CSDE1: variants seen among roughly 807,000 people sequenced by gnomAD.
The protein encoded by CSDE1 is cold shock domain containing E1, also known as cold shock domain-containing protein E1.
Under a neutral mutation model 89.3 loss-of-function variants are expected in CSDE1, and 17 were observed. That is an observed-to-expected ratio of 0.19 (90% confidence interval 0.13 to 0.29). The LOEUF (loss-of-function observed/expected upper bound fraction) is 0.29. Ranked by LOEUF, CSDE1 falls within the 10% of genes least tolerant of loss-of-function variation. The pLI is 1.00. For synonymous variants in CSDE1, 322 were observed against 332.8 expected (o/e 0.97, Z 0.35); for missense variants, 672 against 984.2 (o/e 0.68, Z 4.24).
intron 9 of CSDE1, among the ~76,000 whole-genome samples, chr1:114,733,043 A>G (rs1660190551): frequency 1.3e-5 from 2 of 152,140 alleles, no homozygotes; most frequent in African/African-American, 4.8e-5. Context: ...CTGGTACCAA[A>G]AGATTTTATT....
chr1:114,728,591 A>T (rs1263746222), intron 12 of CSDE1, among the ~76,000 whole-genome samples: 1 of 152,214 alleles, frequency 6.6e-6, no homozygotes, highest in African/African-American at 2.4e-5. Flanking sequence ...TCATCAAGCC[A>T]GTTTTGCCAG....
At chr1:114,721,107 A>G (rs1288573738) in intron 16 of CSDE1, among the ~76,000 whole-genome samples, 2 of 152,228 alleles carry the variant, frequency 1.3e-5, no homozygotes, top group East Asian at 3.8e-4. Flanking sequence ...TCCCATACTC[A>G]ATGAGCCAGT....
Position 114,725,234 on chromosome 1 carries a change from G to A in CSDE1, c.1740C>T (p.Asn580=), listed in dbSNP as rs755710182. The change falls in exon 15 of 20, where the codon AAC becomes AAT. Residue 580 remains asparagine, a synonymous_variant. Transcript: ENST00000358528. The part of the protein sequence containing the change: ...KGNKVSAEKV[N]KTHSVNGITE... ...ACAATTTATTACCTGAGTGTGTTTT[G>A]TTCACTTTTTCTGCACTGACTTTGT... is the stretch of plus-strand genomic sequence containing the variant. 1 of 1,613,844 alleles carries A rather than the reference G, an allele frequency of 6.2e-7. No individual in the cohort carries two copies. The highest frequency in any genetic ancestry group is 1.1e-5 in the South Asian group (1 of 91,084).
intron 3 of CSDE1, among the ~76,000 whole-genome samples, chr1:114,739,020 A>G (rs1247151151): frequency 6.6e-6 from 1 of 150,804 alleles, no homozygotes; most frequent in African/African-American, 2.4e-5. Flanking sequence ...GAATTTCCAT[A>G]TAATCTAAGA....
rs9724611 is a variant in CSDE1 at position 114,718,512 on chromosome 1, T to C, written c.2349+101A>G. The C allele has an allele frequency of 6.7e-4, 976 of 1,461,262 alleles. 7 individuals are homozygous for C. The African/African-American group carries it at 0.012, about 18-fold the overall frequency. The allele number at this position is 1,461,262 out of a possible 1,614,324, so 90.5% of individuals were successfully genotyped here. A position where few individuals can be genotyped will look rare whatever the true frequency, so the allele number is the denominator to read the frequency against. On this transcript the variant is annotated intron_variant, in intron 19 of 19. Coordinates refer to ENST00000358528, the MANE Select transcript of CSDE1 (RefSeq NM_001007553.3). ...ACTAGTTATAAGCAATATGGAAGTC[T>C]CCCTGCTTCATTAAGTTTCCTGACC... is the stretch of plus-strand genomic sequence containing the variant.
In CSDE1 at chr1:114,723,938, C is replaced by G; in HGVS notation, c.1818G>C (p.Arg606Ser). 6.2e-7 allele frequency: 1 copy of G among 1,614,048 alleles called. No homozygotes were observed. Among genetic ancestry groups the G allele is most frequent in the Non-Finnish European group, 8.5e-7 (1 of 1,179,924 alleles). The change falls in exon 16 of 20, where the codon AGG becomes AGC. Residue 606 changes from arginine to serine, a missense_variant. Around this residue, in one of 8 missense-constraint regions of CSDE1, gnomAD observed 206 missense variants for 332.4 expected, o/e 0.62. Transcript: ENST00000358528. ...ACTCAGTCTGTGTTGGATCAACACT[C>G]CTCAGGGGGCGAATTACTTTGCCAG... is the stretch of plus-strand genomic sequence containing the variant. The part of the protein sequence containing the change: ...IYSGKVIRPL[R>S]SVDPTQTEYQ...
chr1:114,717,398 ATT>A lies in CSDE1; in HGVS notation c.*769_*770del, dbSNP rs373000705. The A allele has an allele frequency of 6.6e-6, 1 of 151,828 alleles. No individual in the cohort carries two copies. Among genetic ancestry groups the A allele is most frequent in the South Asian group, 2.1e-4 (1 of 4,810 alleles). The allele number at this position is 151,828 out of a possible 1,614,324, so 9.4% of individuals were successfully genotyped here. ...TAAGCAGCAGCAAGTTTGTGCATTCATTTTTTTTGTTTTTGTTTAAATATGTT... is the reference window on the plus strand; with the variant it reads ...TAAGCAGCAGCAAGTTTGTGCATTCATTTTTTGTTTTTGTTTAAATATGTT... On this transcript the variant is annotated 3_prime_UTR_variant, in exon 20 of 20. Transcript: ENST00000358528.
intron 6 of CSDE1, 51 bp downstream of exon 6, chr1:114,736,707 G>T: frequency 1.8e-6 from 2 of 1,138,088 alleles, no homozygotes; most frequent in Non-Finnish European, 2.6e-6. Context: ...CTTAATGGAG[G>T]GGGGAAAAAA....
intron 2 of CSDE1, among the ~76,000 whole-genome samples, chr1:114,748,939 G>A (rs1329921501): frequency 6.6e-6 from 1 of 152,108 alleles, no homozygotes; most frequent in African/African-American, 2.4e-5. Context: ...CTCTCCTACG[G>A]AATAAAGACA....
chr1:114,741,804 G>C (rs1018521887), intron 2 of CSDE1: 2 of 613,396 alleles, frequency 3.3e-6, no homozygotes, highest in African/African-American at 3.8e-5. Context: ...GAAATACATA[G>C]AATTAACATT....
intron 12 of CSDE1, among the ~76,000 whole-genome samples, chr1:114,728,606 AT>A (rs566730302): frequency 5.1e-4 from 78 of 152,320 alleles, no homozygotes; most frequent in African/African-American, 1.5e-3. Context: ...TGCCAGACAC[AT>A]TTGGGAAGCA....
At chr1:114,738,110 T>C (rs1436359139) in intron 3 of CSDE1, 38 bp from the exon 4 acceptor site, 16 of 1,519,606 alleles carry the variant, frequency 1.1e-5, no homozygotes, top group Non-Finnish European at 1.4e-5. Flanking sequence ...TTGAACTGAT[T>C]TTTGCGAAAC....
intron 15 of CSDE1, among the ~76,000 whole-genome samples, chr1:114,724,637 T>C (rs1392673031): frequency 6.6e-6 from 1 of 152,222 alleles, no homozygotes; most frequent in Non-Finnish European, 1.5e-5. Flanking sequence ...CCATTATTTT[T>C]CACATTTAGA....
At chr1:114,724,657 C>T (rs1400553672) in intron 15 of CSDE1, among the ~76,000 whole-genome samples, 1 of 152,174 alleles carries the variant, frequency 6.6e-6, no homozygotes, top group East Asian at 1.9e-4. Flanking sequence ...ATTCATTCTT[C>T]TTCAAAACAA....
chr1:114,721,008 G>T (rs1040237130), intron 16 of CSDE1, among the ~76,000 whole-genome samples: 3 of 152,140 alleles, frequency 2.0e-5, no homozygotes, highest in Non-Finnish European at 4.4e-5. Context: ...CAATCCCATT[G>T]CCTAAATTTT....
At chr1:114,751,236 C>T (rs1661291674) in intron 1 of CSDE1, among the ~76,000 whole-genome samples, 1 of 152,208 alleles carries the variant, frequency 6.6e-6, no homozygotes, top group African/African-American at 2.4e-5. Flanking sequence ...CAGTAAAAAT[C>T]ACATTTCTGC....
chr1:114,727,186 T>C (rs1005536684), intron 12 of CSDE1, 96 bp from the exon 13 acceptor site: 1 of 804,152 alleles, frequency 1.2e-6, no homozygotes, highest in Non-Finnish European at 2.0e-6. Context: ...TGCCAAAGGA[T>C]TGGTACAGCT....
At chr1:114,753,634 T>A (rs1661425240) in intron 1 of CSDE1, among the ~76,000 whole-genome samples, 1 of 152,172 alleles carries the variant, frequency 6.6e-6, no homozygotes, top group Non-Finnish European at 1.5e-5. Context: ...CACTGGGTAT[T>A]GGGCTGGGGT....
intron 18 of CSDE1, chr1:114,718,946 T>C (rs1659356427): frequency 1.7e-6 from 1 of 587,834 alleles, no homozygotes; most frequent in Non-Finnish European, 3.0e-6. Flanking sequence ...CCCAACTTAA[T>C]AGGAATGGAA....
Sources: allele counts gnomAD v4.1 joint callset (sites outside exome capture counted in the v4.1 genomes callset), GRCh38; gene constraint gnomAD v4.1.1; regional missense constraint gnomAD v4.1.1; transcripts MANE v1.5; gene names NCBI Gene and HGNC (gene_info 2026-07-23, HGNC 2026-07-21).